The following ST6GALNAC4 variants were observed in gnomAD, a reference collection of about 807,000 sequenced individuals.
ST6GALNAC4 encodes the protein alpha-N-acetyl-neuraminyl-2,3-beta-galactosyl-1,3-N-acetyl-galactosaminide alpha-2,6-sialyltransferase.
A neutral mutation model predicts 30.4 loss-of-function variants in ST6GALNAC4; 24 were observed. That is an observed-to-expected ratio of 0.79 (90% CI 0.57 to 1.11). The LOEUF is 1.11. Ranked by LOEUF, ST6GALNAC4 falls within the 50% of genes most tolerant of loss-of-function variation. The pLI is 0.00. For synonymous variants in ST6GALNAC4, 156 were observed against 179.7 expected, an observed-to-expected ratio of 0.87 and a Z score of 1.05; for missense variants, 365 against 430.1, an observed-to-expected ratio of 0.85 and a Z score of 1.34.
chr9:127,915,004 G>T, intron 2 of ST6GALNAC4, 163 bp from the exon 3 acceptor site: 2 of 553,930 alleles, frequency 3.6e-6, no homozygotes, highest in Non-Finnish European at 5.9e-6. Flanking sequence ...CTTACCTGGG[G>T]ATGCCAAGCT....
intron 5 of ST6GALNAC4, among the ~76,000 whole-genome samples, chr9:127,909,750 C>A (rs1831031332): frequency 6.6e-6 from 1 of 152,136 alleles, no homozygotes; most frequent in African/African-American, 2.4e-5. Flanking sequence ...CCACAACAGC[C>A]ACACTGGGGT....
At chr9:127,916,193 G>C in intron 2 of ST6GALNAC4, 1 of 625,996 alleles carries the variant, frequency 1.6e-6, no homozygotes, top group Admixed American at 2.8e-5. Flanking sequence ...CGTTTTACAG[G>C]GATAGCAAGG....
At chr9:127,910,469 C>A (rs1442866105) in intron 4 of ST6GALNAC4, 1 of 1,023,924 alleles carries the variant, frequency 9.8e-7, no homozygotes, top group Admixed American at 5.5e-5. Context: ...TCCACTTGAA[C>A]CCTGGCTCTG....
intron 4 of ST6GALNAC4, chr9:127,910,283 G>A: frequency 1.4e-5 from 19 of 1,327,370 alleles, no homozygotes; most frequent in Non-Finnish European, 1.7e-5. Context: ...TCAGCACCCA[G>A]CGGGGCTCGG....
chr9:127,914,754 G>C lies in ST6GALNAC4; in HGVS notation c.100C>G (p.Leu34Val), dbSNP rs1410696080. The C allele has an allele frequency of 2.5e-6, 4 of 1,608,020 alleles. No homozygotes were observed. The highest frequency in any genetic ancestry group is 3.4e-6 in the Non-Finnish European group (4 of 1,177,236). The change falls in exon 3 of 6, where the codon CTG becomes GTG. Residue 34 changes from leucine (L) to valine (V), a missense_variant. Coordinates refer to ENST00000335791, the MANE Select transcript of ST6GALNAC4 (RefSeq NM_175039.4). ...LCCWAGLPLC[L>V]ATCLDHHFPT... ...AAGTGGTGGTCCAGGCAGGTGGCCA[G>C]GCAGAGGGGCAGGCCGGCCCAGCAG... is the stretch of plus-strand genomic sequence containing the variant.
At chr9:127,916,785 G>A in intron 1 of ST6GALNAC4, 41 bp downstream of exon 1, 1 of 376,466 alleles carries the variant, frequency 2.7e-6, no homozygotes, top group Admixed American at 4.2e-5. Context: ...GTCTGGGGCA[G>A]AGAGAGCCAG....
chr9:127,916,075 T>G, intron 2 of ST6GALNAC4: 1 of 452,960 alleles, frequency 2.2e-6, no homozygotes, highest in Non-Finnish European at 4.0e-6. Context: ...CATCCAGCTC[T>G]CTCTCTCACA....
intron 5 of ST6GALNAC4, 44 bp downstream of exon 5, chr9:127,909,907 C>A: frequency 6.3e-7 from 1 of 1,579,340 alleles, no homozygotes; most frequent in Non-Finnish European, 8.7e-7. Flanking sequence ...GGAGGGCTCA[C>A]AGTCCTCCCC....
At position 127,910,602 on chromosome 9, in the gene ST6GALNAC4, C is replaced by T. The variant is rs538170751; in HGVS notation, c.612-544G>A. ...AGCCCAGCCCCTGCCCGCATGCCCCCATGCCCCACTCAGAGCAAGGGGCTA... is the reference window on the plus strand; with the variant it reads ...AGCCCAGCCCCTGCCCGCATGCCCCTATGCCCCACTCAGAGCAAGGGGCTA... On this transcript the variant is annotated intron_variant, in intron 4 of 5. Coordinates refer to ENST00000335791, the MANE Select transcript of ST6GALNAC4 (RefSeq NM_175039.4). The T allele has an allele frequency of 1.3e-4, 126 of 990,750 alleles. No individual in the cohort carries two copies. The Middle Eastern group carries it at 2.1e-3, about 16-fold the overall frequency. The allele number at this position is 990,750 out of a possible 1,614,324, so 61.4% of individuals were successfully genotyped here.
rs1454883685 is a variant in ST6GALNAC4, at chr9:127,908,400, T to C, written c.901A>G (p.Thr301Ala). ...PIVFAHPSWR[T>A]E ...TGGCAGGACGACGGAAGCTACTCAG[T>C]CCTCCAGGACGGATGGGCGAACACG... Residue 301 changes from threonine (T) to alanine (A), a missense_variant, in exon 6 of 6, where the codon ACT becomes GCT. Thr to Ala is a moderately conservative substitution (Grantham distance 58). Coordinates refer to ENST00000335791, the MANE Select transcript of ST6GALNAC4 (RefSeq NM_175039.4). The C allele has an allele frequency of 2.6e-6, 4 of 1,551,524 alleles. No homozygotes were observed. In the Admixed American group the frequency reaches 7.1e-5, roughly 28 times the overall value.
Position 127,912,395 on chromosome 9 carries a change from C to T in ST6GALNAC4, c.484G>A (p.Gly162Ser), listed in dbSNP as rs745463847. 1.2e-5 allele frequency: 19 copies of T among 1,613,996 alleles called. No individual in the cohort carries two copies. Among genetic ancestry groups the T allele is most frequent in the South Asian group, 8.8e-5 (8 of 91,084 alleles). Residue 162 changes from glycine to serine, a missense_variant, in exon 4 of 6, where the codon GGC becomes AGC. Transcript: ENST00000335791. ...GQGRHMDRVL[G>S]GRTYRTLLQL... is the part of the protein sequence containing the mutation. Reference sequence around the variant, plus strand: ...AGCAGCGTGCGGTAGGTGCGGCCGCCGAGCACCCGGTCCATGTGCCTGCCC... The same window carrying T: ...AGCAGCGTGCGGTAGGTGCGGCCGCTGAGCACCCGGTCCATGTGCCTGCCC...
chr9:127,912,291 G>A lies in ST6GALNAC4; in HGVS notation c.588C>T (p.Phe196=), dbSNP rs757567213. The A allele has an allele frequency of 6.2e-7, 1 of 1,612,100 alleles. No individual in the cohort carries two copies. Among genetic ancestry groups the A allele is most frequent in the Non-Finnish European group, 8.5e-7 (1 of 1,178,856 alleles). Residue 196 remains phenylalanine (F), a synonymous_variant, in exon 4 of 6, where the codon TTC becomes TTT. Coordinates refer to ENST00000335791, the MANE Select transcript of ST6GALNAC4 (RefSeq NM_175039.4). Reference sequence around the variant, plus strand: ...ACCGGTTCTTGCCCGTCTCGTCCTGGAAGATCTGGTCGCAGTAGGCCATCA... The same window carrying A: ...ACCGGTTCTTGCCCGTCTCGTCCTGAAAGATCTGGTCGCAGTAGGCCATCA... ...ERMMAYCDQI[F]QDETGKNRRQ... is the part of the protein sequence containing the mutation.
chr9:127,914,016 G>T (rs1302129161), intron 3 of ST6GALNAC4, among the ~76,000 whole-genome samples: 1 of 152,150 alleles, frequency 6.6e-6, no homozygotes, highest in Non-Finnish European at 1.5e-5. Context: ...GCAGGTGGAG[G>T]TTGCAGTGAG....
rs370734885 is a variant in ST6GALNAC4 at position 127,908,386 on chromosome 9, C to T, written c.*6G>A. 65 of 1,527,202 alleles carry T rather than the reference C, an allele frequency of 4.3e-5. 1 individual carries two copies. In the African/African-American group the frequency reaches 4.3e-4, roughly 10 times the overall value. 94.6% of individuals were successfully genotyped at this position (1,527,202 alleles called of 1,614,324 possible). Reference sequence around the variant, plus strand: ...AACGGCATGGCGACTGGCAGGACGACGGAAGCTACTCAGTCCTCCAGGACG... The same window carrying T: ...AACGGCATGGCGACTGGCAGGACGATGGAAGCTACTCAGTCCTCCAGGACG... On this transcript the variant is annotated 3_prime_UTR_variant, in exon 6 of 6. Transcript: ENST00000335791.
intron 5 of ST6GALNAC4, among the ~76,000 whole-genome samples, chr9:127,908,789 T>C (rs1185145338): frequency 1.3e-5 from 2 of 151,946 alleles, no homozygotes; most frequent in Non-Finnish European, 2.9e-5. Context: ...GCTGGATGAC[T>C]CTGGGCCAGA....
Position 127,914,640 on chromosome 9 carries a change from T to A in ST6GALNAC4, c.198+16A>T, listed in dbSNP as rs763807610. ...CTCTCACTACCCACCCCGGATGCAT[T>A]GCCTGGCCCACTCACCTTCCCATCT... On this transcript the variant is annotated intron_variant, in intron 3 of 5. Coordinates refer to ENST00000335791, the MANE Select transcript of ST6GALNAC4 (RefSeq NM_175039.4). The A allele has an allele frequency of 6.3e-5, 100 of 1,593,798 alleles. No individual in the cohort carries two copies. The highest frequency in any genetic ancestry group is 8.2e-5 in the Non-Finnish European group (96 of 1,170,934).
In ST6GALNAC4 at chr9:127,916,933, C is replaced by A. The variant is rs1376246043; in HGVS notation, c.-183G>T. 2 of 164,182 alleles carry A rather than the reference C, an allele frequency of 1.2e-5. No homozygotes were observed. Among genetic ancestry groups the A allele is most frequent in the African/African-American group, 2.4e-5 (1 of 41,704 alleles). 10.2% of individuals were successfully genotyped at this position (164,182 alleles called of 1,614,324 possible). A position where few individuals can be genotyped will look rare whatever the true frequency, so the allele number is the denominator to read the frequency against. On this transcript the variant is annotated 5_prime_UTR_variant, in exon 1 of 6. Transcript: ENST00000335791. ...ATCTCCCGGCCGAATGCTAACCGGG[C>A]GTGCAGGCTGGGGTTCGCAGGAGGC...
intron 4 of ST6GALNAC4, among the ~76,000 whole-genome samples, chr9:127,911,111 A>G (rs1417516695): frequency 2.0e-5 from 3 of 152,220 alleles, no homozygotes; most frequent in African/African-American, 7.2e-5. Flanking sequence ...TCTGAGCCCC[A>G]GACGGCCAGT....
Position 127,912,362 on chromosome 9 carries a change from T to C in ST6GALNAC4, c.517A>G (p.Thr173Ala), listed in dbSNP as rs751701333. ...ACCTGCAGGCCGGGGTACATCCTGGTGAGCTGCAGCAGCGTGCGGTAGGTG... is the reference window on the plus strand; with the variant it reads ...ACCTGCAGGCCGGGGTACATCCTGGCGAGCTGCAGCAGCGTGCGGTAGGTG... ...GRTYRTLLQL[T>A]RMYPGLQVYT... Residue 173 changes from threonine (T) to alanine (A), a missense_variant, in exon 4 of 6, where the codon ACC (threonine) becomes GCC (alanine). Physicochemically the swap from Thr to Ala is moderately conservative, Grantham distance 58. Coordinates refer to ENST00000335791, the MANE Select transcript of ST6GALNAC4 (RefSeq NM_175039.4). 3.7e-6 allele frequency: 6 copies of C among 1,614,098 alleles called. No homozygotes were observed. In the East Asian group the frequency reaches 1.1e-4, roughly 30 times the overall value.
Sources: gnomAD v4.1 joint callset for allele counts (sites outside exome capture counted in the v4.1 genomes callset) on GRCh38, gnomAD v4.1.1 for gene constraint, MANE v1.5 for transcripts, NCBI Gene and HGNC (gene_info 2026-07-23, HGNC 2026-07-21) for gene names.